Variants in GNE observed in about 807,000 individuals in gnomAD.
The protein encoded by GNE is glucosamine (UDP-N-acetyl)-2-epimerase/N-acetylmannosamine kinase.
Under a neutral mutation model 61.8 loss-of-function variants are expected in GNE, and 41 were observed. The observed-to-expected ratio is 0.66, with a 90% CI of 0.52 to 0.86. The LOEUF is 0.86. GNE is among the 40% of genes least tolerant of loss of function. GNE has a pLI of 0.00. For synonymous variants in GNE, 264 were observed against 326.4 expected (o/e 0.81, Z 2.06); for missense variants, 608 against 909.1 (o/e 0.67, Z 4.26).
upstream of GNE, chr9:36,258,530 A>G (rs1411008417): frequency 1.9e-5 from 19 of 985,030 alleles, no homozygotes; most frequent in Non-Finnish European, 2.2e-5. Context: ...TCGCGCCCTG[A>G]CGCCACCCGA....
At chr9:36,252,596 C>T (rs557299063) in intron 1 of GNE, among the ~76,000 whole-genome samples, 1 of 152,050 alleles carries the variant, frequency 6.6e-6, no homozygotes, top group African/African-American at 2.4e-5. Context: ...TACCTAGAAA[C>T]CTAAAAAACC....
At chr9:36,258,246 A>G in intron 1 of GNE, 75 bp downstream of exon 1, 6 of 849,288 alleles carry the variant, frequency 7.1e-6, no homozygotes, top group Non-Finnish European at 8.5e-6. Flanking sequence ...GGCCTGGGGC[A>G]GGAGGCCGGG....
intron 6 of GNE, 45 bp downstream of exon 6, chr9:36,228,976 T>A (rs1386465984): frequency 1.9e-6 from 2 of 1,041,294 alleles, no homozygotes; most frequent in Non-Finnish European, 3.0e-6. Flanking sequence ...GTACTGAAGG[T>A]AGCTCCCCTT....
Position 36,216,398 on chromosome 9 carries a change from T to A in GNE, c.*967A>T, listed in dbSNP as rs1046975840. On this transcript the variant is annotated 3_prime_UTR_variant, in exon 12 of 12. Transcript: ENST00000642385. ...TCACCCAGGGTGGAGTGCAGTGGCA[T>A]GATCTCGGCTCACTGCAACCTCCGC... The A allele has an allele frequency of 1.0e-4, 32 of 321,064 alleles. No homozygotes were observed. The highest frequency in any genetic ancestry group is 5.9e-4 in the Admixed American group (20 of 33,870). 19.9% of individuals were successfully genotyped at this position (321,064 alleles called of 1,614,324 possible).
chr9:36,275,851 T>A (rs79409846), intron 1 of GNE, among the ~76,000 whole-genome samples: 9 of 152,170 alleles, frequency 5.9e-5, no homozygotes, highest in Non-Finnish European at 8.8e-5. Context: ...TTGGCAATAA[T>A]TGCAGGAATA....
intron 1 of GNE, among the ~76,000 whole-genome samples, chr9:36,268,639 G>A (rs1378808851): frequency 6.6e-6 from 1 of 152,138 alleles, no homozygotes; most frequent in Non-Finnish European, 1.5e-5. Context: ...CTGCATCTCA[G>A]CCTGGGGGAC....
intron 9 of GNE, among the ~76,000 whole-genome samples, chr9:36,222,106 T>A (rs567219790): frequency 6.6e-6 from 1 of 151,838 alleles, no homozygotes; most frequent in South Asian, 2.1e-4. Context: ...GCTGAGGGGG[T>A]TACATGAAGG....
chr9:36,270,780 G>A (rs563608780), intron 1 of GNE, among the ~76,000 whole-genome samples: 4 of 152,094 alleles, frequency 2.6e-5, no homozygotes, highest in African/African-American at 9.6e-5. Flanking sequence ...GCCTCCCAAA[G>A]TGCTGGGATT....
chr9:36,219,299 C>T (rs1828477268), intron 10 of GNE, among the ~76,000 whole-genome samples: 1 of 152,126 alleles, frequency 6.6e-6, no homozygotes, highest in South Asian at 2.1e-4. Flanking sequence ...GGACCCTCTG[C>T]CTGGCTTTGC....
chr9:36,252,211 T>A (rs1266561368), intron 1 of GNE, among the ~76,000 whole-genome samples: 2 of 152,102 alleles, frequency 1.3e-5, no homozygotes, highest in Non-Finnish European at 2.9e-5. Context: ...GGTCTCGAAC[T>A]CCTGACCTCA....
intron 1 of GNE, among the ~76,000 whole-genome samples, chr9:36,254,814 T>C (rs1299693349): frequency 6.6e-6 from 1 of 151,820 alleles, no homozygotes; most frequent in Non-Finnish European, 1.5e-5. Context: ...TAGCCAGGCA[T>C]GGTGGCAGGC....
At chr9:36,265,613 C>T in intron 1 of GNE, 2 of 353,584 alleles carry the variant, frequency 5.7e-6, no homozygotes, top group Non-Finnish European at 1.2e-5. Context: ...AGCCACAACA[C>T]TTTTAATTAC....
At chr9:36,241,286 T>C (rs1430766422) in intron 3 of GNE, among the ~76,000 whole-genome samples, 1 of 152,184 alleles carries the variant, frequency 6.6e-6, no homozygotes, top group Non-Finnish European at 1.5e-5. Flanking sequence ...TAGCTAATCT[T>C]TGTATTTTTT....
Position 36,234,104 on chromosome 9 carries a change from C to G in GNE, c.798G>C (p.Arg266=). 6.2e-7 allele frequency: 1 copy of G among 1,613,760 alleles called. No individual in the cohort carries two copies. The highest frequency in any genetic ancestry group is 8.5e-7 in the Non-Finnish European group (1 of 1,179,688). Residue 266 remains arginine (R), a synonymous_variant, in exon 5 of 12, where the codon CGG becomes CGC. Transcript: ENST00000642385. ...AGSKEMVRVM[R]KKGIEHHPNF... is the part of the protein sequence containing the mutation. The stretch of plus-strand genomic sequence containing the variant: ...TGGGATGATGCTCAATGCCCTTCTT[C>G]CGCATCACTCGAACCATCTCTTTGC...
At position 36,234,071 on chromosome 9, in the gene GNE, A is replaced by G. The variant is rs1367695782; in HGVS notation, c.831T>C (p.Arg277=). ...KKGIEHHPNF[R]AVKHVPFDQF... is the part of the protein sequence containing the mutation. Reference sequence around the variant, plus strand: ...GGTCAAATGGGACGTGTTTAACTGCACGAAAGTTGGGATGATGCTCAATGC... The same window carrying G: ...GGTCAAATGGGACGTGTTTAACTGCGCGAAAGTTGGGATGATGCTCAATGC... The change falls in exon 5 of 12, where the codon CGT becomes CGC. Residue 277 remains arginine, a synonymous_variant. Transcript: ENST00000642385. 27 of 1,614,178 alleles carry G rather than the reference A, an allele frequency of 1.7e-5. No individual in the cohort carries two copies. Among genetic ancestry groups the G allele is most frequent in the Non-Finnish European group, 2.3e-5 (27 of 1,179,994 alleles).
intron 1 of GNE, among the ~76,000 whole-genome samples, chr9:36,250,726 G>A (rs917813360): frequency 4.6e-5 from 7 of 152,176 alleles, no homozygotes; most frequent in African/African-American, 1.7e-4. Context: ...TGTCGCCCAG[G>A]TTGGAGTGCA....
At chr9:36,233,378 C>A (rs1218872491) in intron 5 of GNE, among the ~76,000 whole-genome samples, 1 of 152,230 alleles carries the variant, frequency 6.6e-6, no homozygotes, top group East Asian at 1.9e-4. Context: ...TAATTAAAAA[C>A]CACTTAGGCT....
At chr9:36,249,435 A>C in intron 1 of GNE, 38 bp from the exon 2 acceptor site, 1 of 1,328,764 alleles carries the variant, frequency 7.5e-7, no homozygotes, top group Non-Finnish European at 1.1e-6. Flanking sequence ...AATCAGAATA[A>C]CTCCTAGATA....
At chr9:36,251,786 A>C (rs1279756401) in intron 1 of GNE, among the ~76,000 whole-genome samples, 1 of 152,132 alleles carries the variant, frequency 6.6e-6, no homozygotes, top group South Asian at 2.1e-4. Flanking sequence ...AAATTCCATC[A>C]GTAGCCCTCT....
Sources: allele counts gnomAD v4.1 joint callset (sites outside exome capture counted in the v4.1 genomes callset), GRCh38; gene constraint gnomAD v4.1.1; transcripts MANE v1.5; gene names NCBI Gene and HGNC (gene_info 2026-07-23, HGNC 2026-07-21).